Variants in NIPA2 observed in about 807,000 individuals in gnomAD.
The protein encoded by NIPA2 is magnesium transporter NIPA2.
A neutral mutation model predicts 29.7 loss-of-function variants in NIPA2; 11 were observed. The observed-to-expected ratio is 0.37, with a 90% confidence interval of 0.23 to 0.61. The LOEUF (loss-of-function observed/expected upper bound fraction) is 0.61, where lower values mean the gene tolerates loss of function less well. NIPA2 is among the 20% of genes least tolerant of loss of function. The pLI, the probability that NIPA2 is intolerant of heterozygous loss-of-function variation, is 0.66. For missense variants in NIPA2, 426 were observed against 437.9 expected (o/e 0.97, Z 0.24); for synonymous variants, 183 against 161.9 (o/e 1.13, Z -0.99).
rs767027972 is a variant in NIPA2, at chr15:22,865,858, A to G, written c.449-355A>G. Among the ~76,000 whole-genome samples, 45 of 152,000 alleles carry G rather than the reference A, an allele frequency of 3.0e-4. 1 individual carries two copies. Among genetic ancestry groups the G allele is most frequent in the Admixed American group, 2.4e-3 (37 of 15,264 alleles). On this transcript the variant is annotated intron_variant, in intron 7 of 7. Coordinates refer to ENST00000337451, the MANE Select transcript of NIPA2 (RefSeq NM_030922.7). The stretch of plus-strand genomic sequence containing the variant: ...TTTTTTGTTTTTTTTAGCATCTATA[A>G]ATTGTTGAACATTCAAGGCCACCTC...
At chr15:22,856,121 C>G (rs911690607) in intron 5 of NIPA2, among the ~76,000 whole-genome samples, 5 of 152,154 alleles carry the variant, frequency 3.3e-5, no homozygotes, top group Non-Finnish European at 7.4e-5. Flanking sequence ...GCTCCCCAGG[C>G]TCTCACTGTG....
At position 22,867,066 on chromosome 15, in the gene NIPA2, TTATTGTTGTAGAAG is replaced by T; in HGVS notation, c.*224_*237del. 1.9e-6 allele frequency: 1 copy of T among 519,062 alleles called. No individual in the cohort carries two copies. Among genetic ancestry groups the T allele is most frequent in the South Asian group, 3.4e-5 (1 of 29,270 alleles). 32.2% of individuals were successfully genotyped at this position (519,062 alleles called of 1,614,324 possible). ...GCACATGACGATTTCTATTAACATT[TTATTGTTGTAGAAG>T]TATTTTACATTTTCATCCCTTCTCC... On this transcript the variant is annotated 3_prime_UTR_variant, in exon 8 of 8. Transcript: ENST00000337451.
chr15:22,842,405 C>A (rs774520366), intron 2 of NIPA2, among the ~76,000 whole-genome samples: 3 of 152,116 alleles, frequency 2.0e-5, no homozygotes, highest in Non-Finnish European at 4.4e-5. Context: ...GAAATAAGAT[C>A]TAGGCTGGGC....
At chr15:22,844,758 C>A (rs1194457617) in intron 2 of NIPA2, among the ~76,000 whole-genome samples, 1 of 151,796 alleles carries the variant, frequency 6.6e-6, no homozygotes, top group African/African-American at 2.4e-5. Flanking sequence ...TGTCAAAAAC[C>A]ACAACAACAA....
At chr15:22,845,780 C>T (rs759886627) in intron 3 of NIPA2, among the ~76,000 whole-genome samples, 25 of 152,048 alleles carry the variant, frequency 1.6e-4, no homozygotes, top group Non-Finnish European at 2.8e-4. Context: ...GGGGGACTCT[C>T]GAAAGCCATA....
intron 7 of NIPA2, among the ~76,000 whole-genome samples, chr15:22,862,239 G>A (rs968962998): frequency 6.6e-6 from 1 of 151,066 alleles, no homozygotes; most frequent in Non-Finnish European, 1.5e-5. Context: ...GTAGAGACAG[G>A]GTTTCACCAG....
At chr15:22,858,806 A>G (rs1241342000) in intron 6 of NIPA2, among the ~76,000 whole-genome samples, 176 bp downstream of exon 6, 3 of 152,188 alleles carry the variant, frequency 2.0e-5, no homozygotes, top group East Asian at 1.9e-4. Context: ...TAGGCAGGCT[A>G]TTGATTTGTG....
intron 2 of NIPA2, among the ~76,000 whole-genome samples, chr15:22,840,551 CG>C (rs1896798814): frequency 6.6e-6 from 1 of 151,282 alleles, no homozygotes; most frequent in Non-Finnish European, 1.5e-5. Context: ...CCGCCCGCCT[CG>C]ACCCCCCAAA....
chr15:22,867,466 A>C lies in NIPA2; in HGVS notation c.*619A>C, dbSNP rs1343020122. ...ATCACCGTGAATCCGGCTTCCTCTGAGCATTCGATGGCCTTAGCACCTCAT... is the reference window on the plus strand; with the variant it reads ...ATCACCGTGAATCCGGCTTCCTCTGCGCATTCGATGGCCTTAGCACCTCAT... On this transcript the variant is annotated 3_prime_UTR_variant, in exon 8 of 8. Coordinates refer to ENST00000337451, the MANE Select transcript of NIPA2 (RefSeq NM_030922.7). The C allele has an allele frequency of 8.9e-6, 3 of 335,276 alleles. No individual in the cohort carries two copies. The highest frequency in any genetic ancestry group is 1.6e-5 in the Non-Finnish European group (3 of 187,822). 20.8% of individuals were successfully genotyped at this position (335,276 alleles called of 1,614,324 possible).
chr15:22,867,586 A>ACAT lies in NIPA2; in HGVS notation c.*742_*744dup, dbSNP rs1250718550. On this transcript the variant is annotated 3_prime_UTR_variant, in exon 8 of 8. Coordinates refer to ENST00000337451, the MANE Select transcript of NIPA2 (RefSeq NM_030922.7). Reference sequence around the variant, plus strand: ...TGCCTGGAACCTTGATTACCGTTTTACATCAGCTCTTGTACTTTTCAGTAT... The same window carrying ACAT: ...TGCCTGGAACCTTGATTACCGTTTTACATCATCAGCTCTTGTACTTTTCAGTAT... 25 of 183,166 alleles carry ACAT rather than the reference A, an allele frequency of 1.4e-4. No individual in the cohort carries two copies. The highest frequency in any genetic ancestry group is 5.9e-4 in the South Asian group (3 of 5,112). 11.3% of individuals were successfully genotyped at this position (183,166 alleles called of 1,614,324 possible).
At chr15:22,851,271 A>G (rs1440376433) in intron 3 of NIPA2, among the ~76,000 whole-genome samples, 1 of 152,316 alleles carries the variant, frequency 6.6e-6, no homozygotes, top group South Asian at 2.1e-4. Flanking sequence ...AGATTATTCA[A>G]AAGGACACAT....
At chr15:22,857,849 A>AG (rs1384950229) in intron 5 of NIPA2, among the ~76,000 whole-genome samples, 2 of 151,022 alleles carry the variant, frequency 1.3e-5, no homozygotes, top group Non-Finnish European at 2.9e-5. Context: ...AAAAAAAAAA[A>AG]AAAAAAAAAG....
At position 22,838,666 on chromosome 15, in the gene NIPA2, C is replaced by G. The variant is rs1181044234; in HGVS notation, c.-607C>G. On this transcript the variant is annotated 5_prime_UTR_variant, in exon 1 of 8. Transcript: ENST00000337451. ...GTCATTTAGCCGCGCCTAGGTTTTC[C>G]GGCGCCGGCCCTAGGTCCCGGCAGC... 6.6e-6 allele frequency: 1 copy of G among 152,378 alleles called. No homozygotes were observed. The highest frequency in any genetic ancestry group is 1.5e-5 in the Non-Finnish European group (1 of 68,098). The allele number at this position is 152,378 out of a possible 1,614,324, so 9.4% of individuals were successfully genotyped here. A position where few individuals can be genotyped will look rare whatever the true frequency, so the allele number is the denominator to read the frequency against.
At position 22,860,881 on chromosome 15, in the gene NIPA2, A is replaced by G. The variant is rs563504242; in HGVS notation, c.448+92A>G. ...ATTTGATGAGCACATAAGGAAAGAA[A>G]TTGTTCCACCTGGTAGAAGAACAAA... On this transcript the variant is annotated intron_variant, in intron 7 of 7. Coordinates refer to ENST00000337451, the MANE Select transcript of NIPA2 (RefSeq NM_030922.7). The G allele has an allele frequency of 3.3e-6, 3 of 911,974 alleles. No homozygotes were observed. In the African/African-American group the frequency reaches 5.2e-5, roughly 16 times the overall value. 56.5% of individuals were successfully genotyped at this position (911,974 alleles called of 1,614,324 possible). A position where few individuals can be genotyped will look rare whatever the true frequency, so the allele number is the denominator to read the frequency against.
At chr15:22,854,746 C>A (rs975026395) in intron 5 of NIPA2, among the ~76,000 whole-genome samples, 5 of 151,772 alleles carry the variant, frequency 3.3e-5, no homozygotes, top group Non-Finnish European at 7.4e-5. Flanking sequence ...GACTCAGTCT[C>A]AAAAAACAAA....
chr15:22,856,197 CACA>C (rs140582468), intron 5 of NIPA2, among the ~76,000 whole-genome samples: 17 of 152,058 alleles, frequency 1.1e-4, no homozygotes, highest in Middle Eastern at 3.4e-3. Context: ...TTAAAAAATA[CACA>C]ACAATAGTCA....
intron 3 of NIPA2, among the ~76,000 whole-genome samples, chr15:22,851,396 T>TG (rs1006421828): frequency 6.6e-6 from 1 of 151,972 alleles, no homozygotes; most frequent in Non-Finnish European, 1.5e-5. Flanking sequence ...CATTTTTTTT[T>TG]AAAATATGGG....
At position 22,842,727 on chromosome 15, in the gene NIPA2, G is replaced by T. The variant is rs187286422; in HGVS notation, c.-215-2419G>T. 5.7e-4 allele frequency among the ~76,000 whole-genome samples: 87 copies of T among 152,266 alleles called. 2 individuals are homozygous for T. The highest frequency in any genetic ancestry group is 1.9e-3 in the African/African-American group (77 of 41,512). ...ACCTGTAATCCCAGATACTCAGGAGGCTGAGGCAGGAGAATCACTTGAACC... is the reference window on the plus strand; with the variant it reads ...ACCTGTAATCCCAGATACTCAGGAGTCTGAGGCAGGAGAATCACTTGAACC... On this transcript the variant is annotated intron_variant, in intron 2 of 7. Coordinates refer to ENST00000337451, the MANE Select transcript of NIPA2 (RefSeq NM_030922.7).
At chr15:22,854,202 A>ACTGCAACCTCTGCCTCC (rs1395938325) in intron 5 of NIPA2, among the ~76,000 whole-genome samples, 1 of 151,140 alleles carries the variant, frequency 6.6e-6, no homozygotes. Flanking sequence ...ATCTTGGCTC[A>ACTGCAACCTCTGCCTCC]CTGCAACCTC....
Sources: gnomAD v4.1 joint callset for allele counts (sites outside exome capture counted in the v4.1 genomes callset) on GRCh38, gnomAD v4.1.1 for gene constraint, MANE v1.5 for transcripts, NCBI Gene and HGNC (gene_info 2026-07-23, HGNC 2026-07-21) for gene names.